The following PPM1L variants were observed in gnomAD, a reference collection of about 807,000 sequenced individuals.
PPM1L encodes the protein protein phosphatase, Mg2+/Mn2+ dependent 1L.
PPM1L carries 13 observed loss-of-function variants against 31.4 expected under a neutral mutation model. The ratio of observed to expected loss-of-function variants is 0.41; its 90% confidence interval spans 0.27 to 0.66. PPM1L has a LOEUF of 0.66. Ranked by LOEUF, PPM1L falls within the 30% of genes least tolerant of loss-of-function variation. PPM1L has a pLI of 0.29. For missense variants in PPM1L, 326 were observed against 453.7 expected, an observed-to-expected ratio of 0.72 and a Z score of 2.56; for synonymous variants, 184 against 175.4, an observed-to-expected ratio of 1.05 and a Z score of -0.39.
intron 1 of PPM1L, among the ~76,000 whole-genome samples, chr3:160,759,496 G>A (rs536233735): frequency 1.3e-5 from 2 of 152,166 alleles, no homozygotes; most frequent in East Asian, 3.9e-4. Context: ...GCTAGTTCAA[G>A]GCCTTCAGTT....
At chr3:160,857,136 G>A (rs1422392669) in intron 1 of PPM1L, among the ~76,000 whole-genome samples, 1 of 152,112 alleles carries the variant, frequency 6.6e-6, no homozygotes, top group Non-Finnish European at 1.5e-5. Flanking sequence ...TTAAAAAAAT[G>A]CCTTTTGTTT....
At chr3:160,851,457 G>A (rs1711519332) in intron 1 of PPM1L, among the ~76,000 whole-genome samples, 3 of 152,180 alleles carry the variant, frequency 2.0e-5, no homozygotes, top group Non-Finnish European at 4.4e-5. Flanking sequence ...AGTGGATTCC[G>A]TGGCTGCTTG....
intron 2 of PPM1L, among the ~76,000 whole-genome samples, chr3:160,969,765 A>T (rs1477827702): frequency 6.6e-6 from 1 of 152,242 alleles, no homozygotes; most frequent in Non-Finnish European, 1.5e-5. Context: ...AAAAGAAACT[A>T]ATAAAGGGAA....
intron 1 of PPM1L, among the ~76,000 whole-genome samples, chr3:160,798,280 G>A (rs539414638): frequency 1.4e-4 from 22 of 152,294 alleles, no homozygotes; most frequent in African/African-American, 5.3e-4. Context: ...CTAAATAACA[G>A]ATTTTCATTG....
intron 2 of PPM1L, among the ~76,000 whole-genome samples, chr3:160,984,792 G>T (rs1559913858): frequency 6.6e-6 from 1 of 152,098 alleles, no homozygotes; most frequent in Non-Finnish European, 1.5e-5. Flanking sequence ...GATTTACTAT[G>T]AACTCTTTCC....
intron 1 of PPM1L, among the ~76,000 whole-genome samples, chr3:160,762,886 C>A (rs765177159): frequency 6.6e-6 from 1 of 152,002 alleles, no homozygotes; most frequent in African/African-American, 2.4e-5. Flanking sequence ...TATTCAAGTA[C>A]CCTCTGTGTT....
chr3:160,963,151 C>T (rs140256217), intron 2 of PPM1L, among the ~76,000 whole-genome samples: 1 of 151,964 alleles, frequency 6.6e-6, no homozygotes, highest in South Asian at 2.1e-4. Flanking sequence ...TCTTATAGAT[C>T]ATAGAACTCA....
intron 1 of PPM1L, among the ~76,000 whole-genome samples, chr3:160,889,039 A>G (rs1270702145): frequency 6.6e-6 from 1 of 152,260 alleles, no homozygotes; most frequent in East Asian, 1.9e-4. Context: ...AAATGCCCAC[A>G]TCAGAAAGCT....
chr3:160,861,488 A>G (rs1711887730), intron 1 of PPM1L, among the ~76,000 whole-genome samples: 2 of 152,186 alleles, frequency 1.3e-5, no homozygotes. Context: ...ATTTATTTAG[A>G]ACATGAATTT....
Position 161,068,977 on chromosome 3 carries a change from A to G in PPM1L, c.903A>G (p.Ser301=). 2 of 1,614,222 alleles carry G rather than the reference A, an allele frequency of 1.2e-6. No homozygotes were observed. Among genetic ancestry groups the G allele is most frequent in the Non-Finnish European group, 1.7e-6 (2 of 1,180,038 alleles). Residue 301 remains serine, a synonymous_variant, in exon 4 of 4, where the codon TCA becomes TCG. Coordinates refer to ENST00000498165, the MANE Select transcript of PPM1L (RefSeq NM_139245.4). The part of the protein sequence containing the change: ...KLQPEFMILA[S]DGLWDAFSNE... ...AGCCTGAGTTCATGATCTTGGCATC[A>G]GATGGTCTCTGGGATGCTTTCAGCA...
At chr3:161,058,914 GAATT>G (rs1308012687) in intron 2 of PPM1L, among the ~76,000 whole-genome samples, 3 of 152,226 alleles carry the variant, frequency 2.0e-5, no homozygotes, top group African/African-American at 7.2e-5. Context: ...CTTGTCAAAT[GAATT>G]AATTGTCTAA....
chr3:161,013,384 A>C (rs1468944055), intron 2 of PPM1L, among the ~76,000 whole-genome samples: 2 of 152,236 alleles, frequency 1.3e-5, no homozygotes, highest in Admixed American at 6.5e-5. Context: ...CTGTGATCTG[A>C]GAGACAGTTT....
At chr3:161,026,600 GCAGGAATCCCT>G (rs1718400793) in intron 2 of PPM1L, among the ~76,000 whole-genome samples, 1 of 151,948 alleles carries the variant, frequency 6.6e-6, no homozygotes, top group South Asian at 2.1e-4. Flanking sequence ...GGAGGCTGAG[GCAGGAATCCCT>G]CACTTGAACC....
At chr3:160,830,527 G>T (rs558881665) in intron 1 of PPM1L, among the ~76,000 whole-genome samples, 1 of 152,216 alleles carries the variant, frequency 6.6e-6, no homozygotes, top group Admixed American at 6.5e-5. Flanking sequence ...TTTCTAAATG[G>T]ATTATGGAAG....
At chr3:160,802,378 A>G (rs535476230) in intron 1 of PPM1L, among the ~76,000 whole-genome samples, 9 of 152,172 alleles carry the variant, frequency 5.9e-5, no homozygotes, top group Non-Finnish European at 1.2e-4. Context: ...AGAAACCTAC[A>G]ATCCGGCTTG....
intron 1 of PPM1L, among the ~76,000 whole-genome samples, chr3:160,790,427 A>G (rs1198735468): frequency 6.6e-6 from 1 of 152,170 alleles, no homozygotes; most frequent in African/African-American, 2.4e-5. Context: ...AATATGTTGT[A>G]TGTAAATATA....
intron 1 of PPM1L, among the ~76,000 whole-genome samples, chr3:160,792,571 C>T (rs1404982117): frequency 6.6e-6 from 1 of 152,198 alleles, no homozygotes; most frequent in Non-Finnish European, 1.5e-5. Context: ...AAAGTCCATA[C>T]TTGCAATGCA....
chr3:161,051,014 CTTT>C (rs1423571951), intron 2 of PPM1L, among the ~76,000 whole-genome samples: 3 of 152,148 alleles, frequency 2.0e-5, no homozygotes, highest in African/African-American at 7.2e-5. Context: ...TTACCTCCTT[CTTT>C]GTGTCAAGAA....
At chr3:160,820,430 T>C (rs1468444746) in intron 1 of PPM1L, among the ~76,000 whole-genome samples, 1 of 152,060 alleles carries the variant, frequency 6.6e-6, no homozygotes, top group Non-Finnish European at 1.5e-5. Context: ...GAACCCCATA[T>C]TCACAGTACC....
Sources: allele counts gnomAD v4.1 joint callset (sites outside exome capture counted in the v4.1 genomes callset), GRCh38; gene constraint gnomAD v4.1.1; transcripts MANE v1.5; gene names NCBI Gene and HGNC (gene_info 2026-07-23, HGNC 2026-07-21).